WIF1: variants seen among roughly 807,000 people sequenced by gnomAD.
WIF1 encodes Wnt inhibitory factor 1.
WIF1 carries 35 observed loss-of-function variants against 53.5 expected under a neutral mutation model. The ratio of observed to expected loss-of-function variants is 0.65; its 90% CI spans 0.50 to 0.87. WIF1 has a LOEUF of 0.87. Ranked by LOEUF, WIF1 falls within the 40% of genes least tolerant of loss-of-function variation. The pLI is 0.00. For synonymous variants in WIF1, 171 were observed against 170.4 expected (o/e 1.00, Z -0.03); for missense variants, 467 against 476.8 (o/e 0.98, Z 0.19).
At chr12:65,120,267 A>G in intron 2 of WIF1, 150 bp downstream of exon 2, 1 of 837,784 alleles carries the variant, frequency 1.2e-6, no homozygotes, top group Non-Finnish European at 1.7e-6. Context: ...ACTTGAAATA[A>G]ATGGAAATTA....
In WIF1 at chr12:65,121,252, G is replaced by T; in HGVS notation, c.-61C>A. 7.2e-7 allele frequency: 1 copy of T among 1,381,126 alleles called. No individual in the cohort carries two copies. 85.6% of individuals were successfully genotyped at this position (1,381,126 alleles called of 1,614,324 possible). A position where few individuals can be genotyped will look rare whatever the true frequency, so the allele number is the denominator to read the frequency against. ...TCGTGCCGCACCTACGCAACCTGGC[G>T]CCGTCAGATACTCTGCTGCGCTGCA... On this transcript the variant is annotated 5_prime_UTR_variant, in exon 1 of 10. Coordinates refer to ENST00000286574, the MANE Select transcript of WIF1 (RefSeq NM_007191.5).
chr12:65,114,179 T>TA (rs1211208005), intron 2 of WIF1, among the ~76,000 whole-genome samples: 1 of 151,856 alleles, frequency 6.6e-6, no homozygotes, highest in Non-Finnish European at 1.5e-5. Flanking sequence ...TTTTTTTATT[T>TA]TTTTTTGGTT....
chr12:65,063,948 G>T (rs935214798), intron 6 of WIF1, among the ~76,000 whole-genome samples: 5 of 152,160 alleles, frequency 3.3e-5, no homozygotes, highest in Non-Finnish European at 7.4e-5. Context: ...AAAAATTCAA[G>T]CCTCTTAATG....
chr12:65,120,362 T>A, intron 2 of WIF1, 55 bp downstream of exon 2: 11 of 1,579,182 alleles, frequency 7.0e-6, no homozygotes, highest in Non-Finnish European at 9.5e-6. Flanking sequence ...ACAGTACTAT[T>A]TCCACCTGCC....
chr12:65,091,971 G>T (rs1437093898), intron 2 of WIF1, among the ~76,000 whole-genome samples: 1 of 152,092 alleles, frequency 6.6e-6, no homozygotes, highest in South Asian at 2.1e-4. Context: ...AAGAGGAGGA[G>T]ACACATAATT....
At chr12:65,071,301 A>G (rs1882771028) in intron 3 of WIF1, among the ~76,000 whole-genome samples, 1 of 151,928 alleles carries the variant, frequency 6.6e-6, no homozygotes, top group African/African-American at 2.4e-5. Flanking sequence ...CTTTAAGTCA[A>G]TTAAAGTAAG....
intron 8 of WIF1, among the ~76,000 whole-genome samples, chr12:65,055,804 C>T (rs540878777): frequency 3.3e-5 from 5 of 152,278 alleles, no homozygotes; most frequent in Non-Finnish European, 7.4e-5. Flanking sequence ...AACAAAGAAA[C>T]CACCTTGTAG....
At chr12:65,113,799 A>G (rs1307208417) in intron 2 of WIF1, among the ~76,000 whole-genome samples, 1 of 152,200 alleles carries the variant, frequency 6.6e-6, no homozygotes, top group Non-Finnish European at 1.5e-5. Flanking sequence ...TAAAGGTTGA[A>G]AGCTGTGCTT....
chr12:65,070,204 C>T (rs1392239924), intron 3 of WIF1, among the ~76,000 whole-genome samples: 1 of 152,164 alleles, frequency 6.6e-6, no homozygotes, highest in Non-Finnish European at 1.5e-5. Context: ...CTGGCATTGT[C>T]AGTGTTCATT....
chr12:65,072,019 G>A (rs143155349), intron 3 of WIF1, among the ~76,000 whole-genome samples: 97 of 151,758 alleles, frequency 6.4e-4, no homozygotes, highest in East Asian at 3.5e-3. Flanking sequence ...ACTTGTCTTC[G>A]TTTCTGTTTA....
At chr12:65,120,943 A>T (rs1028674419) in intron 1 of WIF1, 101 bp downstream of exon 1, 11 of 1,319,688 alleles carry the variant, frequency 8.3e-6, no homozygotes, top group Middle Eastern at 2.1e-4. Flanking sequence ...CTTTTGTGGA[A>T]ATTAAGTTTT....
At chr12:65,068,546 G>T (rs919363540) in intron 4 of WIF1, among the ~76,000 whole-genome samples, 3 of 151,978 alleles carry the variant, frequency 2.0e-5, no homozygotes, top group African/African-American at 7.3e-5. Flanking sequence ...ATTAAAAGTG[G>T]GGTCAAGGTC....
chr12:65,064,126 G>T (rs574083648), intron 6 of WIF1, among the ~76,000 whole-genome samples: 1 of 152,214 alleles, frequency 6.6e-6, no homozygotes, highest in Admixed American at 6.5e-5. Context: ...GATGAGATCA[G>T]TGCCCTGGAA....
At chr12:65,054,476 G>A (rs949833089) in intron 9 of WIF1, among the ~76,000 whole-genome samples, 1 of 152,156 alleles carries the variant, frequency 6.6e-6, no homozygotes, top group African/African-American at 2.4e-5. Flanking sequence ...TTTAGCAAGT[G>A]TCATTGTGTG....
intron 2 of WIF1, among the ~76,000 whole-genome samples, chr12:65,091,714 G>T (rs2136630129): frequency 6.6e-6 from 1 of 152,212 alleles, no homozygotes; most frequent in Middle Eastern, 3.4e-3. Flanking sequence ...CTGATCAAAG[G>T]TTTAAAAGTA....
chr12:65,085,062 C>T (rs1883014547), intron 2 of WIF1, among the ~76,000 whole-genome samples: 1 of 152,160 alleles, frequency 6.6e-6, no homozygotes, highest in African/African-American at 2.4e-5. Flanking sequence ...AAATGAGGTC[C>T]TGTTCTGACA....
At chr12:65,106,968 T>G (rs1384546265) in intron 2 of WIF1, among the ~76,000 whole-genome samples, 2 of 152,244 alleles carry the variant, frequency 1.3e-5, no homozygotes, top group African/African-American at 4.8e-5. Context: ...AAGTTCTAAC[T>G]TTTGAGGAGT....
At chr12:65,085,252 A>T (rs1378860929) in intron 2 of WIF1, among the ~76,000 whole-genome samples, 3 of 152,092 alleles carry the variant, frequency 2.0e-5, no homozygotes, top group African/African-American at 7.2e-5. Context: ...TTTTTTTTCA[A>T]ATTTTGGAAT....
intron 2 of WIF1, among the ~76,000 whole-genome samples, chr12:65,115,131 G>C (rs967203281): frequency 7.0e-6 from 1 of 142,728 alleles, no homozygotes; most frequent in African/African-American, 2.7e-5. Context: ...AAGGAGGTTG[G>C]AAAACTAGTA....
Sources: allele counts gnomAD v4.1 joint callset (sites outside exome capture counted in the v4.1 genomes callset), GRCh38; gene constraint gnomAD v4.1.1; transcripts MANE v1.5; gene names NCBI Gene and HGNC (gene_info 2026-07-23, HGNC 2026-07-21).